The following DNAAF11 variants were observed in gnomAD, a reference collection of about 807,000 sequenced individuals.
DNAAF11 encodes the protein dynein axonemal assembly factor 11.
Under a neutral mutation model 60.8 loss-of-function variants are expected in DNAAF11, and 45 were observed. That is an observed-to-expected ratio of 0.74 (90% CI 0.58 to 0.95). The LOEUF is 0.95. DNAAF11 is among the 40% of genes least tolerant of loss of function. The pLI, the probability that DNAAF11 is intolerant of heterozygous loss-of-function variation, is 0.00. For synonymous variants in DNAAF11, 191 were observed against 183.5 expected (o/e 1.04, Z -0.33); for missense variants, 546 against 546.2 (o/e 1.00, Z 0.00).
At chr8:132,689,418 G>T in the DNAAF11 span, among the ~76,000 whole-genome samples, 1 of 152,000 alleles carries the variant, frequency 6.6e-6, no homozygotes, top group African/African-American at 2.4e-5. Flanking sequence ...AATTTAAATT[G>T]ATATATGCTT....
chr8:132,634,938 A>AATTG (rs561354865), intron 4 of DNAAF11, among the ~76,000 whole-genome samples: 2 of 151,920 alleles, frequency 1.3e-5, no homozygotes, highest in Admixed American at 6.6e-5. Flanking sequence ...GAAGTACATT[A>AATTG]ATTGATTGAT....
chr8:132,592,249 A>G (rs749428538), intron 10 of DNAAF11, among the ~76,000 whole-genome samples: 9 of 152,216 alleles, frequency 5.9e-5, no homozygotes, highest in Non-Finnish European at 1.2e-4. Context: ...GATCAATACT[A>G]AGAGAATAAA....
intron 6 of DNAAF11, 144 bp downstream of exon 6, chr8:132,625,128 A>G (rs910175283): frequency 1.9e-6 from 1 of 535,510 alleles, no homozygotes; most frequent in South Asian, 3.7e-5. Context: ...AATACAATTC[A>G]ACAAAAAGCT....
At chr8:132,590,955 C>T (rs564081690) in intron 10 of DNAAF11, among the ~76,000 whole-genome samples, 1 of 152,284 alleles carries the variant, frequency 6.6e-6, no homozygotes, top group East Asian at 1.9e-4. Context: ...AATTGTATAA[C>T]ACTCCATTTT....
intron 8 of DNAAF11, among the ~76,000 whole-genome samples, chr8:132,613,228 G>C (rs985774506): frequency 3.3e-5 from 5 of 152,192 alleles, no homozygotes; most frequent in Admixed American, 6.5e-5. Flanking sequence ...GAGAGGAAGG[G>C]ACCACACTAA....
chr8:132,578,949 G>T (rs1815040665), intron 11 of DNAAF11, among the ~76,000 whole-genome samples: 2 of 152,208 alleles, frequency 1.3e-5, no homozygotes, highest in African/African-American at 2.4e-5. Flanking sequence ...CATAATAAGG[G>T]TGCAGTGCCA....
chr8:132,665,090 G>A (rs1360635739), intron 1 of DNAAF11, among the ~76,000 whole-genome samples: 2 of 151,562 alleles, frequency 1.3e-5, no homozygotes, highest in East Asian at 3.9e-4. Context: ...ACAGAACTGT[G>A]AAGATGTGGA....
chr8:132,624,621 C>G (rs776674279), intron 6 of DNAAF11, among the ~76,000 whole-genome samples: 10 of 152,052 alleles, frequency 6.6e-5, no homozygotes, highest in Admixed American at 4.6e-4. Context: ...TACTATATTT[C>G]AGGGCTAATT....
At chr8:132,684,492 A>G in the DNAAF11 span, among the ~76,000 whole-genome samples, 2 of 152,186 alleles carry the variant, frequency 1.3e-5, no homozygotes, top group African/African-American at 2.4e-5. Context: ...GTTGATTGAT[A>G]TCATGTGATC....
At chr8:132,702,663 C>T in the DNAAF11 span, among the ~76,000 whole-genome samples, 1 of 152,114 alleles carries the variant, frequency 6.6e-6, no homozygotes, top group African/African-American at 2.4e-5. Flanking sequence ...AAGCATTTTG[C>T]CTGCATGAAC....
the DNAAF11 span, among the ~76,000 whole-genome samples, chr8:132,700,949 G>A: frequency 1.1e-4 from 17 of 152,258 alleles, no homozygotes; most frequent in East Asian, 5.8e-4. Context: ...GAAATTTATC[G>A]GCTCACAGTT....
intron 11 of DNAAF11, 96 bp downstream of exon 11, chr8:132,583,597 TA>T (rs1171263183): frequency 2.2e-6 from 2 of 921,492 alleles, no homozygotes; most frequent in Admixed American, 3.8e-5. Context: ...CTCAGAACTT[TA>T]AATAATTGTA....
chr8:132,609,414 C>T (rs1181538327), intron 10 of DNAAF11, among the ~76,000 whole-genome samples: 1 of 150,782 alleles, frequency 6.6e-6, no homozygotes, highest in Admixed American at 6.6e-5. Context: ...TATTTTTGAT[C>T]CCTGGTTGGT....
rs577431178 is a variant in DNAAF11, at chr8:132,674,290, G to A, written c.10+1194C>T. 7.2e-5 allele frequency among the ~76,000 whole-genome samples: 11 copies of A among 152,134 alleles called. No homozygotes were observed. In the South Asian group the frequency reaches 1.9e-3, roughly 26 times the overall value. ...TGGGGAGACAGCCCTGAGAAGAGAG[G>A]AAGAAATATCAGTAGCTGATTTAGG... On this transcript the variant is annotated intron_variant, in intron 1 of 11. Transcript: ENST00000620350.
intron 10 of DNAAF11, among the ~76,000 whole-genome samples, chr8:132,585,091 C>G (rs1815749108): frequency 6.6e-6 from 1 of 152,084 alleles, no homozygotes; most frequent in Non-Finnish European, 1.5e-5. Flanking sequence ...AAGCCTAGCC[C>G]ATTGTTTATC....
At position 132,611,372 on chromosome 8, in the gene DNAAF11, T is replaced by C. The variant is rs757264403; in HGVS notation, c.975-9A>G. On this transcript the variant is annotated splice_polypyrimidine_tract_variant and intron_variant, in intron 8 of 11. Transcript: ENST00000620350. ...AAGAGGTATCCATATACCTTCAAAA[T>C]TAAACACAGAAAATCTTATAATTTT... is the stretch of plus-strand genomic sequence containing the variant. 1 of 1,534,956 alleles carries C rather than the reference T, an allele frequency of 6.5e-7. No homozygotes were observed. The highest frequency in any genetic ancestry group is 9.0e-7 in the Non-Finnish European group (1 of 1,112,608).
intron 10 of DNAAF11, among the ~76,000 whole-genome samples, chr8:132,598,330 C>T (rs1226077990): frequency 6.6e-6 from 1 of 152,146 alleles, no homozygotes; most frequent in Non-Finnish European, 1.5e-5. Context: ...TGACATGACA[C>T]ATCTATTTAT....
the DNAAF11 span, among the ~76,000 whole-genome samples, chr8:132,687,225 A>G: frequency 2.6e-5 from 4 of 152,340 alleles, no homozygotes; most frequent in African/African-American, 9.6e-5. Flanking sequence ...TTGGCTATAT[A>G]TATTTACAGT....
chr8:132,622,699 G>T lies in DNAAF11; in HGVS notation c.837-11C>A. On this transcript the variant is annotated splice_polypyrimidine_tract_variant and intron_variant, in intron 6 of 11. Transcript: ENST00000620350. ...TTCTTCTTTTTTTCACTTAAGATTG[G>T]TGGTGGATGAGAACAATGGGCAGCA... 1 of 1,591,664 alleles carries T rather than the reference G, an allele frequency of 6.3e-7. No homozygotes were observed. The highest frequency in any genetic ancestry group is 8.6e-7 in the Non-Finnish European group (1 of 1,160,166).
Sources: allele counts gnomAD v4.1 joint callset (sites outside exome capture counted in the v4.1 genomes callset), GRCh38; gene constraint gnomAD v4.1.1; transcripts MANE v1.5; gene names NCBI Gene and HGNC (gene_info 2026-07-23, HGNC 2026-07-21).